Variants in KDM4C observed in about 807,000 individuals in gnomAD.
KDM4C encodes the protein lysine demethylase 4C, also known as lysine-specific demethylase 4C.
A neutral mutation model predicts 129.3 loss-of-function variants in KDM4C; 81 were observed. That is an observed-to-expected ratio of 0.63 (90% CI 0.52 to 0.75). The LOEUF (loss-of-function observed/expected upper bound fraction) is 0.75, where lower values mean the gene tolerates loss of function less well. Among genes scored for constraint, KDM4C ranks in the 30% least tolerant of loss-of-function variants. The pLI is 0.00. For synonymous variants in KDM4C, 573 were observed against 456.1 expected (o/e 1.26, Z -3.26); for missense variants, 1,457 against 1,304.0 (o/e 1.12, Z -1.81).
chr9:7,163,781 C>A (rs549117216), intron 19 of KDM4C, among the ~76,000 whole-genome samples: 1 of 152,300 alleles, frequency 6.6e-6, no homozygotes, highest in East Asian at 1.9e-4. Flanking sequence ...ATTCCACATG[C>A]CCTGAGGTCA....
rs560137612 is a variant in KDM4C at position 7,038,354 on chromosome 9, G to C, written c.2260-8508G>C. On this transcript the variant is annotated intron_variant, in intron 15 of 21. Coordinates refer to ENST00000381309, the MANE Select transcript of KDM4C (RefSeq NM_015061.6). ...AGCTGTTTTGTCAGTTGGCCTTTCAGCTCTTTTCTATGTATTATAATCTGG... is the reference window on the plus strand; with the variant it reads ...AGCTGTTTTGTCAGTTGGCCTTTCACCTCTTTTCTATGTATTATAATCTGG... Among the ~76,000 whole-genome samples the C allele has an allele frequency of 9.9e-5, 15 of 152,010 alleles. No homozygotes were observed. The South Asian group carries it at 2.7e-3, about 27-fold the overall frequency.
chr9:6,743,259 A>G (rs3889040), intron 1 of KDM4C, among the ~76,000 whole-genome samples: 20,858 of 152,108 alleles, frequency 0.14, 1,721 homozygotes, highest in African/African-American at 0.21. Flanking sequence ...TGGGGGCTTT[A>G]CCCCTTCAAC....
chr9:6,748,613 A>G, intron 1 of KDM4C: 1 of 734,512 alleles, frequency 1.4e-6, no homozygotes, highest in East Asian at 2.6e-5. Flanking sequence ...AGTGTAATCA[A>G]AACAATATGA....
At chr9:6,732,617 A>G (rs900621020) in intron 1 of KDM4C, among the ~76,000 whole-genome samples, 2 of 152,154 alleles carry the variant, frequency 1.3e-5, no homozygotes, top group Non-Finnish European at 2.9e-5. Context: ...AGAATCAACA[A>G]ATGGTGAAGG....
At chr9:6,971,895 A>G (rs944817348) in intron 8 of KDM4C, among the ~76,000 whole-genome samples, 1 of 152,176 alleles carries the variant, frequency 6.6e-6, no homozygotes, top group African/African-American at 2.4e-5. Flanking sequence ...TGTTTCTAAC[A>G]TTGCTGGCAT....
intron 8 of KDM4C, among the ~76,000 whole-genome samples, chr9:6,896,025 T>A (rs1336555078): frequency 6.6e-6 from 1 of 152,240 alleles, no homozygotes; most frequent in Non-Finnish European, 1.5e-5. Context: ...CAAGTCTGAT[T>A]CTTTAGGTAA....
chr9:6,794,500 G>A (rs1262631446), intron 2 of KDM4C, among the ~76,000 whole-genome samples: 2 of 152,138 alleles, frequency 1.3e-5, no homozygotes, highest in Non-Finnish European at 2.9e-5. Flanking sequence ...GTGGCTGTTT[G>A]TTTCTTTCTT....
At chr9:6,801,618 GCTCTCTCTCTCTCTCTCTCTCTGT>G in intron 2 of KDM4C, among the ~76,000 whole-genome samples, 1 of 145,598 alleles carries the variant, frequency 6.9e-6, no homozygotes, top group East Asian at 2.0e-4. Flanking sequence ...GTGCAGATAT[GCTCTCTCTCTCTCTCTCTCTCTGT>G]CTCTCTCTCT....
At chr9:7,025,484 G>C (rs1049969339) in intron 15 of KDM4C, among the ~76,000 whole-genome samples, 1 of 152,082 alleles carries the variant, frequency 6.6e-6, no homozygotes, top group African/African-American at 2.4e-5. Flanking sequence ...CTTGTGGTAT[G>C]ATTTAATTTC....
At chr9:6,986,140 T>C (rs1410292992) in intron 10 of KDM4C, among the ~76,000 whole-genome samples, 1 of 152,222 alleles carries the variant, frequency 6.6e-6, no homozygotes, top group East Asian at 1.9e-4. Context: ...GCATAATACT[T>C]GAGTAGAAGA....
intron 8 of KDM4C, among the ~76,000 whole-genome samples, chr9:6,914,122 T>C (rs1819851127): frequency 6.6e-6 from 1 of 152,182 alleles, no homozygotes; most frequent in Non-Finnish European, 1.5e-5. Flanking sequence ...TGCAATGGCG[T>C]AATCTCGGCT....
intron 2 of KDM4C, among the ~76,000 whole-genome samples, chr9:6,800,714 C>T (rs778217725): frequency 3.3e-5 from 5 of 152,056 alleles, no homozygotes; most frequent in Non-Finnish European, 7.4e-5. Context: ...GCAGCCTTGT[C>T]CTCCCGGGCT....
At chr9:6,731,598 C>G (rs12348455) in intron 1 of KDM4C, among the ~76,000 whole-genome samples, 1 of 152,106 alleles carries the variant, frequency 6.6e-6, no homozygotes, top group Admixed American at 6.6e-5. Context: ...TCCCAAAGTG[C>G]TGGGATTACA....
At chr9:6,948,890 A>G (rs1029593535) in intron 8 of KDM4C, among the ~76,000 whole-genome samples, 1 of 152,146 alleles carries the variant, frequency 6.6e-6, no homozygotes, top group Admixed American at 6.5e-5. Context: ...TTCTTTCTAC[A>G]CAGATGCAGC....
intron 8 of KDM4C, among the ~76,000 whole-genome samples, chr9:6,937,748 G>A (rs1205721510): frequency 1.3e-5 from 2 of 152,042 alleles, no homozygotes; most frequent in Admixed American, 6.6e-5. Context: ...GTCTTGCTCT[G>A]TCGCCGAGGC....
At chr9:7,105,163 C>T (rs995099645) in intron 18 of KDM4C, among the ~76,000 whole-genome samples, 1 of 152,204 alleles carries the variant, frequency 6.6e-6, no homozygotes, top group Non-Finnish European at 1.5e-5. Flanking sequence ...TAACACCTTA[C>T]ATGACTGTGG....
chr9:7,021,130 G>GTC (rs1378082251), intron 15 of KDM4C, among the ~76,000 whole-genome samples: 12 of 113,516 alleles, frequency 1.1e-4, no homozygotes, highest in African/African-American at 4.0e-4. Flanking sequence ...ATGTGTGTGT[G>GTC]TGTGTGTGTG....
chr9:7,158,210 A>G (rs1252163747), intron 19 of KDM4C, among the ~76,000 whole-genome samples: 1 of 150,154 alleles, frequency 6.7e-6, no homozygotes, highest in Non-Finnish European at 1.5e-5. Context: ...CCCCTTTTTC[A>G]TTTTTTATTG....
At chr9:6,724,817 C>T (rs979277371) in intron 1 of KDM4C, among the ~76,000 whole-genome samples, 7 of 152,176 alleles carry the variant, frequency 4.6e-5, no homozygotes, top group Non-Finnish European at 8.8e-5. Context: ...GTGTGAGCCA[C>T]AGTGTCCGGC....
Sources: allele counts gnomAD v4.1 joint callset (sites outside exome capture counted in the v4.1 genomes callset), GRCh38; gene constraint gnomAD v4.1.1; transcripts MANE v1.5; gene names NCBI Gene and HGNC (gene_info 2026-07-23, HGNC 2026-07-21).